Variants in MAP4K5 observed in about 807,000 individuals in gnomAD.
MAP4K5 encodes MAPK/ERK kinase kinase kinase 5.
A neutral mutation model predicts 135.6 loss-of-function variants in MAP4K5; 82 were observed. That is an observed-to-expected ratio of 0.60 (90% CI 0.51 to 0.73). The LOEUF is 0.73. MAP4K5 is among the 30% of genes least tolerant of loss of function. MAP4K5 has a pLI of 0.00. For missense variants in MAP4K5, 907 were observed against 1,010.9 expected, an observed-to-expected ratio of 0.90 and a Z score of 1.39; for synonymous variants, 347 against 335.0, an observed-to-expected ratio of 1.04 and a Z score of -0.39.
At chr14:50,464,674 T>C (rs969095993) in intron 11 of MAP4K5, among the ~76,000 whole-genome samples, 2 of 152,216 alleles carry the variant, frequency 1.3e-5, no homozygotes, top group African/African-American at 4.8e-5. Flanking sequence ...TATCACATTT[T>C]GATTATTAAG....
At position 50,447,442 on chromosome 14, in the gene MAP4K5, G is replaced by A. The variant is rs868123491; in HGVS notation, c.1114C>T (p.Pro372Ser). 6.4e-7 allele frequency: 1 copy of A among 1,552,142 alleles called. No individual in the cohort carries two copies. The highest frequency in any genetic ancestry group is 1.2e-5 in the South Asian group (1 of 83,212). ...CCAGTATTTGCACCATCAACAAAAG[G>A]ATTCCACTGTAACATGAAATTTGGG... is the stretch of plus-strand genomic sequence containing the variant. The part of the protein sequence containing the change: ...SDPNFMLQWN[P>S]FVDGANTGKS... Residue 372 changes from proline to serine, a missense_variant, in exon 16 of 33, where the codon CCT (proline) becomes TCT (serine). Coordinates refer to ENST00000682126, the MANE Select transcript of MAP4K5 (RefSeq NM_006575.6).
chr14:50,493,986 G>A (rs1270924588), intron 3 of MAP4K5, among the ~76,000 whole-genome samples: 1 of 146,568 alleles, frequency 6.8e-6, no homozygotes, highest in Non-Finnish European at 1.5e-5. Context: ...AGAATCCATC[G>A]CAAAAAAAAA....
intron 2 of MAP4K5, among the ~76,000 whole-genome samples, chr14:50,517,752 T>C (rs1297999485): frequency 6.6e-6 from 1 of 152,104 alleles, no homozygotes; most frequent in African/African-American, 2.4e-5. Context: ...CACTCCAGCC[T>C]GGGCGACAGT....
intron 2 of MAP4K5, among the ~76,000 whole-genome samples, chr14:50,507,802 T>C (rs917820828): frequency 2.6e-5 from 4 of 152,198 alleles, no homozygotes; most frequent in African/African-American, 9.6e-5. Context: ...TGCGATGTGG[T>C]GCTCAGAAGA....
At chr14:50,456,686 A>G in intron 13 of MAP4K5, 92 bp from the exon 14 acceptor site, 1 of 740,222 alleles carries the variant, frequency 1.4e-6, no homozygotes, top group Non-Finnish European at 2.2e-6. Flanking sequence ...ATAAATATGA[A>G]TATCTACTAG....
In MAP4K5 at chr14:50,420,035, T is replaced by C. The variant is rs1176251614; in HGVS notation, c.2525A>G (p.His842Arg). The C allele has an allele frequency of 1.9e-6, 3 of 1,608,830 alleles. No homozygotes were observed. The highest frequency in any genetic ancestry group is 2.2e-5 in the East Asian group (1 of 44,822). ...AHSNLYILAG[H>R]ENSY Reference sequence around the variant, plus strand: ...TTCTGTTGCTTAGTAACTATTTTCATGTCCAGCCAAGATGTAGAGATTGCT... The same window carrying C: ...TTCTGTTGCTTAGTAACTATTTTCACGTCCAGCCAAGATGTAGAGATTGCT... The change falls in exon 33 of 33, where the codon CAT becomes CGT. Residue 842 changes from histidine (H) to arginine (R), a missense_variant. Physicochemically the swap from His to Arg is conservative, Grantham distance 29. Transcript: ENST00000682126.
chr14:50,493,473 T>A (rs1219543651), intron 3 of MAP4K5, among the ~76,000 whole-genome samples: 1 of 151,944 alleles, frequency 6.6e-6, no homozygotes, highest in African/African-American at 2.4e-5. Flanking sequence ...TCATTAAAAA[T>A]CACATAAAAG....
intron 3 of MAP4K5, among the ~76,000 whole-genome samples, chr14:50,501,270 T>C (rs1234295516): frequency 6.6e-6 from 1 of 152,104 alleles, no homozygotes; most frequent in Non-Finnish European, 1.5e-5. Context: ...ATTCAACAGA[T>C]GACTGTTTTA....
intron 9 of MAP4K5, among the ~76,000 whole-genome samples, chr14:50,470,137 C>T (rs1270000681): frequency 6.6e-6 from 1 of 152,158 alleles, no homozygotes; most frequent in Non-Finnish European, 1.5e-5. Context: ...GATTCATCTC[C>T]TCTACCCACT....
chr14:50,490,316 C>A (rs1449678509), intron 3 of MAP4K5, among the ~76,000 whole-genome samples: 1 of 152,094 alleles, frequency 6.6e-6, no homozygotes, highest in Non-Finnish European at 1.5e-5. Flanking sequence ...ATTAAAAGCT[C>A]CTAAAACTGG....
chr14:50,529,931 G>A (rs2038350629), intron 2 of MAP4K5, among the ~76,000 whole-genome samples: 2 of 152,290 alleles, frequency 1.3e-5, no homozygotes, highest in South Asian at 4.2e-4. Flanking sequence ...TCTTGCCCAG[G>A]AGCATTTGGG....
intron 2 of MAP4K5, among the ~76,000 whole-genome samples, chr14:50,509,702 CTTATT>C (rs1595529558): frequency 6.6e-6 from 1 of 151,772 alleles, no homozygotes; most frequent in Admixed American, 6.6e-5. Context: ...TCAATGAACT[CTTATT>C]TTAACTCACT....
intron 1 of MAP4K5, among the ~76,000 whole-genome samples, chr14:50,542,997 T>G (rs1259632488): frequency 1.3e-5 from 2 of 152,202 alleles, no homozygotes; most frequent in African/African-American, 4.8e-5. Context: ...AGAAGTATTA[T>G]GGATGGATTC....
At chr14:50,476,337 T>A in intron 6 of MAP4K5, 31 bp from the exon 7 acceptor site, 2 of 1,077,998 alleles carry the variant, frequency 1.9e-6, no homozygotes, top group Non-Finnish European at 2.6e-6. Context: ...AAAAAGAATG[T>A]ATCAGCAAAA....
At chr14:50,428,075 CAAT>C (rs1237638652) in intron 30 of MAP4K5, among the ~76,000 whole-genome samples, 2 of 152,116 alleles carry the variant, frequency 1.3e-5, no homozygotes, top group Non-Finnish European at 2.9e-5. Flanking sequence ...ATTCAGGAAA[CAAT>C]AAAAGATTTA....
chr14:50,476,312 A>G lies in MAP4K5; in HGVS notation c.379-6T>C, dbSNP rs2139876752. 2.9e-6 allele frequency: 4 copies of G among 1,385,348 alleles called. No individual in the cohort carries two copies. The highest frequency in any genetic ancestry group is 1.8e-4 in the Middle Eastern group (1 of 5,412). 85.8% of individuals were successfully genotyped at this position (1,385,348 alleles called of 1,614,324 possible). On this transcript the variant is annotated splice_region_variant and splice_polypyrimidine_tract_variant and intron_variant, in intron 6 of 32. Coordinates refer to ENST00000682126, the MANE Select transcript of MAP4K5 (RefSeq NM_006575.6). ...GTATGCAAATAGGCAAGACCCTAAAAGTTTAAAAAAAAAAAAAAAGAATGT... is the reference window on the plus strand; with the variant it reads ...GTATGCAAATAGGCAAGACCCTAAAGGTTTAAAAAAAAAAAAAAAGAATGT...
intron 2 of MAP4K5, among the ~76,000 whole-genome samples, chr14:50,509,395 G>GC (rs1342416957): frequency 6.6e-6 from 1 of 152,108 alleles, no homozygotes; most frequent in African/African-American, 2.4e-5. Context: ...TAACAGATCA[G>GC]CAACAGTGGT....
intron 20 of MAP4K5, 111 bp downstream of exon 20, chr14:50,443,618 G>GAAAGA (rs1227165834): frequency 1.2e-6 from 1 of 848,404 alleles, no homozygotes; most frequent in African/African-American, 1.7e-5. Flanking sequence ...CAATATCTTT[G>GAAAGA]TATTTTATGA....
At chr14:50,498,414 T>C (rs572883956) in intron 3 of MAP4K5, among the ~76,000 whole-genome samples, 1 of 152,334 alleles carries the variant, frequency 6.6e-6, no homozygotes, top group East Asian at 1.9e-4. Flanking sequence ...TTTGCCTATA[T>C]ATACAAAGAG....
Sources: allele counts gnomAD v4.1 joint callset (sites outside exome capture counted in the v4.1 genomes callset), GRCh38; gene constraint gnomAD v4.1.1; transcripts MANE v1.5; gene names NCBI Gene and HGNC (gene_info 2026-07-23, HGNC 2026-07-21).